Variants in NRG1 observed in about 807,000 individuals in gnomAD.
NRG1 encodes neuregulin 1, also known as pro-neuregulin-1, membrane-bound isoform.
Under a neutral mutation model 63.8 loss-of-function variants are expected in NRG1, and 18 were observed. The observed-to-expected ratio is 0.28, with a 90% CI of 0.19 to 0.42. NRG1 has a LOEUF of 0.42. NRG1 is among the 10% of genes least tolerant of loss of function. The pLI is 1.00. For missense variants in NRG1, 762 were observed against 814.7 expected (o/e 0.94, Z 0.79); for synonymous variants, 302 against 301.3 (o/e 1.00, Z -0.02).
chr8:31,744,097 C>A (rs1259111344), intron 1 of NRG1, among the ~76,000 whole-genome samples: 3 of 151,936 alleles, frequency 2.0e-5, no homozygotes, highest in Non-Finnish European at 4.4e-5. Context: ...AGTTAACACA[C>A]CTGGCTCTAG....
At chr8:32,049,697 C>T (rs1377625511) in intron 1 of NRG1, among the ~76,000 whole-genome samples, 1 of 151,954 alleles carries the variant, frequency 6.6e-6, no homozygotes, top group Non-Finnish European at 1.5e-5. Context: ...TCAGAGGAAA[C>T]AAATTTAAGG....
intron 1 of NRG1, among the ~76,000 whole-genome samples, chr8:32,235,683 C>G (rs1847471534): frequency 6.7e-6 from 1 of 149,726 alleles, no homozygotes; most frequent in Admixed American, 6.8e-5. Context: ...GACTTTCAGT[C>G]TTAGGCAAAC....
At chr8:32,254,297 C>A (rs1250468555) in intron 1 of NRG1, among the ~76,000 whole-genome samples, 1 of 151,544 alleles carries the variant, frequency 6.6e-6, no homozygotes, top group Non-Finnish European at 1.5e-5. Flanking sequence ...GTCTTTCCCA[C>A]TTTCTCCTGT....
chr8:32,220,954 A>C (rs898275869), intron 1 of NRG1: 1 of 152,218 alleles, frequency 6.6e-6, no homozygotes, highest in Non-Finnish European at 1.5e-5. Context: ...TCCACAAAGC[A>C]CAGTTCCTAA....
intron 1 of NRG1, among the ~76,000 whole-genome samples, chr8:32,241,979 C>G (rs992532148): frequency 6.6e-6 from 1 of 152,040 alleles, no homozygotes; most frequent in East Asian, 1.9e-4. Context: ...TCTTAAACTC[C>G]TAGCCTCAAG....
intron 1 of NRG1, among the ~76,000 whole-genome samples, chr8:31,935,432 A>AT (rs1835221629): frequency 6.7e-6 from 1 of 150,364 alleles, no homozygotes; most frequent in African/African-American, 2.5e-5. Flanking sequence ...CTAATATTTT[A>AT]TTTTTTGTAG....
chr8:31,981,993 A>G (rs1809195039), intron 1 of NRG1, among the ~76,000 whole-genome samples: 1 of 151,902 alleles, frequency 6.6e-6, no homozygotes, highest in Non-Finnish European at 1.5e-5. Context: ...TGAAAATGGA[A>G]CAACATGTAT....
intron 1 of NRG1, among the ~76,000 whole-genome samples, chr8:32,031,598 T>C (rs1818264476): frequency 6.6e-6 from 1 of 152,166 alleles, no homozygotes; most frequent in African/African-American, 2.4e-5. Flanking sequence ...TTATTTATCC[T>C]GATGATCTCC....
intron 1 of NRG1, among the ~76,000 whole-genome samples, chr8:32,488,458 G>A (rs779660703): frequency 2.6e-5 from 4 of 152,090 alleles, no homozygotes; most frequent in Non-Finnish European, 4.4e-5. Flanking sequence ...TGACCACTTG[G>A]GAAATACCCC....
chr8:32,678,591 T>TTATA (rs1473046025), intron 5 of NRG1, among the ~76,000 whole-genome samples: 5 of 152,308 alleles, frequency 3.3e-5, no homozygotes, highest in East Asian at 3.9e-4. Context: ...AGCACTCTCA[T>TTATA]TATATACAAG....
At chr8:32,537,521 G>T (rs1051064681) in intron 1 of NRG1, among the ~76,000 whole-genome samples, 4 of 152,118 alleles carry the variant, frequency 2.6e-5, no homozygotes, top group African/African-American at 9.7e-5. Context: ...CCTATTCTTT[G>T]GGCATGAAGC....
chr8:31,882,928 A>G (rs769527502), intron 1 of NRG1, among the ~76,000 whole-genome samples: 1 of 152,132 alleles, frequency 6.6e-6, no homozygotes, highest in Non-Finnish European at 1.5e-5. Context: ...TCCTGTGAAC[A>G]TTATTGAAAT....
At chr8:31,847,214 T>C (rs1301411585) in intron 1 of NRG1, among the ~76,000 whole-genome samples, 1 of 152,232 alleles carries the variant, frequency 6.6e-6, no homozygotes, top group Non-Finnish European at 1.5e-5. Flanking sequence ...AGATTATTTT[T>C]AACTTATGCC....
intron 1 of NRG1, among the ~76,000 whole-genome samples, chr8:31,801,485 A>AT (rs893736879): frequency 5.9e-5 from 9 of 152,158 alleles, no homozygotes; most frequent in African/African-American, 2.2e-4. Context: ...AACATAATCC[A>AT]TTTTTAAGAA....
chr8:32,212,062 T>C (rs961553205), intron 1 of NRG1, among the ~76,000 whole-genome samples: 1 of 152,130 alleles, frequency 6.6e-6, no homozygotes, highest in African/African-American at 2.4e-5. Context: ...TACATTTGAA[T>C]TGCCACCTTT....
intron 1 of NRG1, among the ~76,000 whole-genome samples, chr8:32,499,784 T>C (rs1433003938): frequency 1.3e-5 from 2 of 152,176 alleles, no homozygotes; most frequent in East Asian, 1.9e-4. Flanking sequence ...TGAAGGAACA[T>C]GTTCTGGTGA....
chr8:32,713,205 A>T (rs1440321494), intron 5 of NRG1, among the ~76,000 whole-genome samples: 1 of 152,172 alleles, frequency 6.6e-6, no homozygotes, highest in African/African-American at 2.4e-5. Flanking sequence ...CTGCTATGAT[A>T]GTCCTATATA....
chr8:32,050,222 G>GT (rs141195984), intron 1 of NRG1, among the ~76,000 whole-genome samples: 2,567 of 152,224 alleles, frequency 0.017, 71 homozygotes, highest in African/African-American at 0.058. Context: ...GTTGGTATCT[G>GT]TTTTTGGCAA....
At chr8:32,265,439 A>G (rs752971579) in intron 1 of NRG1, among the ~76,000 whole-genome samples, 1 of 152,184 alleles carries the variant, frequency 6.6e-6, no homozygotes, top group African/African-American at 2.4e-5. Flanking sequence ...TGACCTTTTT[A>G]AATAAAAAGT....
Sources: gnomAD v4.1 joint callset for allele counts (sites outside exome capture counted in the v4.1 genomes callset) on GRCh38, gnomAD v4.1.1 for gene constraint, MANE v1.5 for transcripts, NCBI Gene and HGNC (gene_info 2026-07-23, HGNC 2026-07-21) for gene names.